The following MBNL2 variants were observed in gnomAD, a reference collection of about 807,000 sequenced individuals.
MBNL2 encodes the protein muscleblind-like protein 2.
Under a neutral mutation model 41.9 loss-of-function variants are expected in MBNL2, and 17 were observed. That is an observed-to-expected ratio of 0.41 (90% confidence interval 0.28 to 0.61). The LOEUF is 0.61. Ranked by LOEUF, MBNL2 falls within the 20% of genes least tolerant of loss-of-function variation. The pLI is 0.35. For synonymous variants in MBNL2, 195 were observed against 182.9 expected (o/e 1.07, Z -0.53); for missense variants, 336 against 505.6 (o/e 0.66, Z 3.22).
the MBNL2 span, among the ~76,000 whole-genome samples, chr13:97,172,235 G>A: frequency 6.6e-6 from 1 of 152,134 alleles, no homozygotes; most frequent in Non-Finnish European, 1.5e-5. Context: ...TCCTGTGTGT[G>A]GACTTTAAAT....
At chr13:97,311,066 C>G (rs945281430) in intron 2 of MBNL2, among the ~76,000 whole-genome samples, 14 of 152,076 alleles carry the variant, frequency 9.2e-5, no homozygotes, top group African/African-American at 3.1e-4. Flanking sequence ...ATGCAAAAAT[C>G]CATACTCCTT....
At chr13:97,380,611 G>A (rs1458048804) in intron 8 of MBNL2, among the ~76,000 whole-genome samples, 7 of 152,158 alleles carry the variant, frequency 4.6e-5, no homozygotes, top group Non-Finnish European at 8.8e-5. Context: ...ACATGGTGAG[G>A]GGGACAGGCG....
At chr13:97,181,063 C>T in the MBNL2 span, among the ~76,000 whole-genome samples, 1 of 151,844 alleles carries the variant, frequency 6.6e-6, no homozygotes, top group African/African-American at 2.4e-5. Context: ...AGTGTAGCAT[C>T]TTCAACTCAA....
the MBNL2 span, among the ~76,000 whole-genome samples, chr13:97,198,172 T>C: frequency 2.0e-5 from 3 of 152,208 alleles, no homozygotes; most frequent in East Asian, 5.8e-4. Flanking sequence ...TTGATGAGAC[T>C]GGATGAGATT....
the MBNL2 span, among the ~76,000 whole-genome samples, chr13:97,191,656 T>C: frequency 1.3e-5 from 2 of 152,194 alleles, no homozygotes; most frequent in Non-Finnish European, 2.9e-5. Context: ...ATTAAAAGGA[T>C]TTTTGTGGAC....
intron 1 of MBNL2, among the ~76,000 whole-genome samples, chr13:97,274,012 G>C (rs1035143023): frequency 4.0e-5 from 6 of 151,884 alleles, no homozygotes; most frequent in Admixed American, 2.0e-4. Flanking sequence ...AGTGACCCAA[G>C]ATCACACCAC....
intron 1 of MBNL2, among the ~76,000 whole-genome samples, chr13:97,223,543 C>T (rs550323786): frequency 2.6e-4 from 40 of 152,144 alleles, no homozygotes; most frequent in Middle Eastern, 3.4e-3. Flanking sequence ...AGCACTGAAG[C>T]GAAGAAAAAA....
intron 5 of MBNL2, among the ~76,000 whole-genome samples, chr13:97,351,075 C>G (rs1355598804): frequency 6.6e-6 from 1 of 152,212 alleles, no homozygotes; most frequent in Non-Finnish European, 1.5e-5. Context: ...GGCTGCAGAA[C>G]AGCTGTTGTG....
At chr13:97,231,971 G>A (rs1327192625) in intron 1 of MBNL2, among the ~76,000 whole-genome samples, 1 of 152,196 alleles carries the variant, frequency 6.6e-6, no homozygotes, top group Non-Finnish European at 1.5e-5. Flanking sequence ...TCCCTAAGAT[G>A]TAGATAGCGC....
chr13:97,184,410 C>G, the MBNL2 span, among the ~76,000 whole-genome samples: 2 of 152,128 alleles, frequency 1.3e-5, no homozygotes, highest in African/African-American at 4.8e-5. Flanking sequence ...TCTCATCTTT[C>G]CTCCCTAAGC....
intron 8 of MBNL2, among the ~76,000 whole-genome samples, chr13:97,380,267 G>A (rs1446308148): frequency 6.6e-6 from 1 of 152,134 alleles, no homozygotes; most frequent in Admixed American, 6.5e-5. Context: ...GCTGAGGTGG[G>A]CGGATCACAT....
the MBNL2 span, among the ~76,000 whole-genome samples, chr13:97,162,079 G>T: frequency 6.6e-6 from 1 of 152,166 alleles, no homozygotes; most frequent in African/African-American, 2.4e-5. Flanking sequence ...ACTGGCGTAG[G>T]AGGAAGAGGA....
chr13:97,267,837 A>G (rs1349156867), intron 1 of MBNL2, among the ~76,000 whole-genome samples: 1 of 152,224 alleles, frequency 6.6e-6, no homozygotes, highest in Non-Finnish European at 1.5e-5. Context: ...TAGGGAAATC[A>G]GTGAACTCAA....
chr13:97,365,267 A>G, intron 8 of MBNL2, 96 bp downstream of exon 8: 1 of 861,170 alleles, frequency 1.2e-6, no homozygotes. Context: ...GCTATAGGAA[A>G]TAGTAGATTT....
At chr13:97,332,958 C>G (rs900768131) in intron 2 of MBNL2, among the ~76,000 whole-genome samples, 1 of 152,156 alleles carries the variant, frequency 6.6e-6, no homozygotes, top group Admixed American at 6.5e-5. Context: ...AACACAGGGC[C>G]CATGTCTGCC....
chr13:97,368,730 G>A (rs982256228), intron 8 of MBNL2, among the ~76,000 whole-genome samples: 5 of 150,230 alleles, frequency 3.3e-5, no homozygotes, highest in South Asian at 2.1e-4. Flanking sequence ...GTGTGTGTTC[G>A]TGTCTGTGTA....
In MBNL2 at chr13:97,300,552, C is replaced by T. The variant is rs554380086; in HGVS notation, c.174+24143C>T. Among the ~76,000 whole-genome samples, 618 of 152,236 alleles carry T rather than the reference C, an allele frequency of 4.1e-3. 4 individuals carry two copies. The highest frequency in any genetic ancestry group is 0.013 in the African/African-American group (558 of 41,548). On this transcript the variant is annotated intron_variant, in intron 2 of 8. Coordinates refer to ENST00000679496, the MANE Select transcript of MBNL2 (RefSeq NM_001382683.1). ...ATGGCTCTGCTGATCTGACAGGAGG[C>T]GGAGCTCAGGCGGTAATGCTTGTCA... is the stretch of plus-strand genomic sequence containing the variant.
At chr13:97,325,125 C>T (rs2059809038) in intron 2 of MBNL2, among the ~76,000 whole-genome samples, 1 of 152,094 alleles carries the variant, frequency 6.6e-6, no homozygotes, top group South Asian at 2.1e-4. Flanking sequence ...GATTATGGTC[C>T]ACACTAACCA....
intron 1 of MBNL2, among the ~76,000 whole-genome samples, chr13:97,267,144 C>T (rs1336073375): frequency 1.3e-5 from 2 of 152,148 alleles, no homozygotes; most frequent in Admixed American, 1.3e-4. Flanking sequence ...CACCTGGGGT[C>T]CACAGCCCCA....
Sources: gnomAD v4.1 joint callset for allele counts (sites outside exome capture counted in the v4.1 genomes callset) on GRCh38, gnomAD v4.1.1 for gene constraint, MANE v1.5 for transcripts, NCBI Gene and HGNC (gene_info 2026-07-23, HGNC 2026-07-21) for gene names.